The following MTRR variants were observed in gnomAD, a reference collection of about 807,000 sequenced individuals.
The protein encoded by MTRR is methionine synthase reductase.
A neutral mutation model predicts 79.2 loss-of-function variants in MTRR; 63 were observed. The ratio of observed to expected loss-of-function variants is 0.80; its 90% CI spans 0.65 to 0.98. The LOEUF (loss-of-function observed/expected upper bound fraction) is 0.98. Among genes scored for constraint, MTRR ranks in the 50% least tolerant of loss-of-function variants. The probability of loss-of-function intolerance (pLI) is 0.00; values close to 1 mark genes in which losing one functional copy is unlikely to be tolerated. For missense variants in MTRR, 895 were observed against 839.6 expected (o/e 1.07, Z -0.82); for synonymous variants, 355 against 313.3 (o/e 1.13, Z -1.41).
rs1468880069 is a variant in MTRR, at chr5:7,861,094, T to C, written n.392-857T>C. On this transcript the variant is annotated intron_variant and non_coding_transcript_variant, in intron 1 of 3. Transcript: ENST00000502509. ...ACTTTTTAAAAGTAACCTGGAAAAA[T>C]AATTTTGAAATAGGATTTGCTTTTG... 3 of 1,073,480 alleles carry C rather than the reference T, an allele frequency of 2.8e-6. No individual in the cohort carries two copies. The East Asian group carries it at 7.2e-5, about 26-fold the overall frequency. The allele number at this position is 1,073,480 out of a possible 1,614,324, so 66.5% of individuals were successfully genotyped here. A position where few individuals can be genotyped will look rare whatever the true frequency, so the allele number is the denominator to read the frequency against.
upstream of MTRR, chr5:7,851,072 C>T: frequency 8.1e-7 from 1 of 1,235,238 alleles, no homozygotes. Context: ...CCCGCCCGCC[C>T]AGGGGCCCAG....
At chr5:7,899,747 G>T (rs1045499305) in intron 14 of MTRR, among the ~76,000 whole-genome samples, 167 bp from the exon 15 acceptor site, 2 of 152,208 alleles carry the variant, frequency 1.3e-5, no homozygotes, top group Non-Finnish European at 2.9e-5. Context: ...TGTAGGCAAA[G>T]GCCTGGCCTG....
upstream of MTRR, among the ~76,000 whole-genome samples, chr5:7,868,671 T>C (rs1412985471): frequency 2.0e-5 from 3 of 151,538 alleles, no homozygotes; most frequent in African/African-American, 7.3e-5. Context: ...ACTTTGTCAA[T>C]GGAAACAAGG....
rs1049847889 is a variant in MTRR at position 7,900,293 on chromosome 5, C to A, written c.*235C>A. The A allele has an allele frequency of 7.8e-6, 4 of 511,952 alleles. No individual in the cohort carries two copies. Among genetic ancestry groups the A allele is most frequent in the African/African-American group, 5.8e-5 (3 of 51,770 alleles). 31.7% of individuals were successfully genotyped at this position (511,952 alleles called of 1,614,324 possible). ...TGACTCTCCCCAAATTGCCCTGTTG[C>A]CTTGAGCTCTTCTGAGCTAAGGCAG... On this transcript the variant is annotated 3_prime_UTR_variant, in exon 15 of 15. Transcript: ENST00000440940.
upstream of MTRR, among the ~76,000 whole-genome samples, chr5:7,868,681 G>A (rs1397301461): frequency 1.3e-5 from 2 of 152,200 alleles, no homozygotes; most frequent in Non-Finnish European, 2.9e-5. Flanking sequence ...TGGAAACAAG[G>A]TAGGAAAAGA....
At position 7,878,097 on chromosome 5, in the gene MTRR, A is replaced by G; in HGVS notation, c.555A>G (p.Leu185=). ...CAGACCTTGTGAAGTCAGAGCTGCTACACATTGAATCTCAAGTCGAGCTTC... is the reference window on the plus strand; with the variant it reads ...CAGACCTTGTGAAGTCAGAGCTGCTGCACATTGAATCTCAAGTCGAGCTTC... ...SRTDLVKSEL[L]HIESQVELLR... The change falls in exon 5 of 15, where the codon CTA becomes CTG. Residue 185 remains leucine (L), a synonymous_variant. Transcript: ENST00000440940. The G allele has an allele frequency of 1.2e-6, 2 of 1,614,078 alleles. No homozygotes were observed. Among genetic ancestry groups the G allele is most frequent in the Non-Finnish European group, 8.5e-7 (1 of 1,180,026 alleles).
At chr5:7,869,419 TC>T in intron 1 of MTRR, 1 of 593,156 alleles carries the variant, frequency 1.7e-6, no homozygotes, top group East Asian at 2.9e-5. Flanking sequence ...CGGGAGCGTG[TC>T]CTTGGGCTCG....
At chr5:7,899,370 TGCAA>T (rs1352686661) in intron 14 of MTRR, among the ~76,000 whole-genome samples, 1 of 152,214 alleles carries the variant, frequency 6.6e-6, no homozygotes, top group Non-Finnish European at 1.5e-5. Context: ...CAGAGAGGAC[TGCAA>T]GAGCACCCAG....
upstream of MTRR, among the ~76,000 whole-genome samples, chr5:7,868,797 G>C (rs937965184): frequency 6.6e-6 from 1 of 152,248 alleles, no homozygotes; most frequent in African/African-American, 2.4e-5. Context: ...CAGACAGACG[G>C]GAGGCCCCGC....
chr5:7,857,395 A>G (rs1746279534), intron 1 of MTRR, among the ~76,000 whole-genome samples: 2 of 152,122 alleles, frequency 1.3e-5, no homozygotes, highest in African/African-American at 4.8e-5. Flanking sequence ...GACACCAGCA[A>G]CCTTATATCT....
chr5:7,864,872 A>G (rs1020921995), upstream of MTRR, among the ~76,000 whole-genome samples: 3 of 152,108 alleles, frequency 2.0e-5, no homozygotes, highest in Non-Finnish European at 4.4e-5. Flanking sequence ...TTGGGAATCT[A>G]GTTTATATAT....
At chr5:7,893,047 T>G in intron 11 of MTRR, 134 bp downstream of exon 11, 3 of 1,082,600 alleles carry the variant, frequency 2.8e-6, no homozygotes, top group Non-Finnish European at 4.0e-6. Flanking sequence ...TTTTAAAATC[T>G]CTATTGCAAG....
chr5:7,892,232 A>G (rs1737734068), intron 10 of MTRR, among the ~76,000 whole-genome samples: 1 of 152,122 alleles, frequency 6.6e-6, no homozygotes, highest in African/African-American at 2.4e-5. Flanking sequence ...CTTTCGCATT[A>G]TTTACCGTGT....
At chr5:7,887,188 T>C (rs985798093) in intron 8 of MTRR, among the ~76,000 whole-genome samples, 1 of 152,158 alleles carries the variant, frequency 6.6e-6, no homozygotes, top group Non-Finnish European at 1.5e-5. Context: ...TATTTATTGC[T>C]GTAACAGAAA....
intron 1 of MTRR, chr5:7,861,591 G>T: frequency 6.3e-7 from 1 of 1,588,926 alleles, no homozygotes; most frequent in Non-Finnish European, 8.6e-7. Flanking sequence ...ACCTTTTATG[G>T]ATATCTTCAT....
rs147338487 is a variant in MTRR at position 7,892,455 on chromosome 5, C to A, written c.1371-272C>A. Among the ~76,000 whole-genome samples, 3 of 152,206 alleles carry A rather than the reference C, an allele frequency of 2.0e-5. No individual in the cohort carries two copies. The East Asian group carries it at 5.8e-4, about 29-fold the overall frequency. On this transcript the variant is annotated intron_variant, in intron 10 of 14. Coordinates refer to ENST00000440940, the MANE Select transcript of MTRR (RefSeq NM_002454.3). ...GTGAATGAATCCTTTACATGAAGAT[C>A]CTTAGGGCATATTAGATTTTATAAA...
At chr5:7,895,677 T>C (rs1048088809) in intron 11 of MTRR, 57 bp from the exon 12 acceptor site, 2 of 1,599,926 alleles carry the variant, frequency 1.3e-6, no homozygotes, top group African/African-American at 2.7e-5. Flanking sequence ...TCATCTTGAT[T>C]ATATACTCTT....
At chr5:7,853,903 G>A (rs1187698766) in intron 1 of MTRR, among the ~76,000 whole-genome samples, 3 of 152,106 alleles carry the variant, frequency 2.0e-5, no homozygotes, top group African/African-American at 7.2e-5. Context: ...TTCATGAGGT[G>A]AGTCATAGCC....
upstream of MTRR, among the ~76,000 whole-genome samples, chr5:7,868,573 A>G (rs1747244198): frequency 6.6e-6 from 1 of 152,204 alleles, no homozygotes; most frequent in Non-Finnish European, 1.5e-5. Context: ...GGTTAGAGCA[A>G]GGCAAGGGTA....
Sources: allele counts gnomAD v4.1 joint callset (sites outside exome capture counted in the v4.1 genomes callset), GRCh38; gene constraint gnomAD v4.1.1; transcripts MANE v1.5; gene names NCBI Gene and HGNC (gene_info 2026-07-23, HGNC 2026-07-21).